The following NCAPG variants were observed in gnomAD, a reference collection of about 807,000 sequenced individuals.
The protein encoded by NCAPG is non-SMC condensin I complex subunit G.
In NCAPG, 69 loss-of-function variants were observed where a neutral mutation model predicts 113.1. That is an observed-to-expected ratio of 0.61 (90% CI 0.50 to 0.75). NCAPG has a LOEUF of 0.75. Among genes scored for constraint, NCAPG ranks in the 30% least tolerant of loss-of-function variants. The pLI is 0.00. For missense variants in NCAPG, 1,058 were observed against 1,177.0 expected (o/e 0.90, Z 1.48); for synonymous variants, 370 against 415.8 (o/e 0.89, Z 1.34).
At chr4:17,830,872 T>C (rs1236644915) in intron 12 of NCAPG, 125 bp from the exon 13 acceptor site, 1 of 936,976 alleles carries the variant, frequency 1.1e-6, no homozygotes, top group African/African-American at 1.7e-5. Flanking sequence ...GCTATATTGT[T>C]CTGTTTTAGC....
intron 5 of NCAPG, among the ~76,000 whole-genome samples, chr4:17,816,981 C>T (rs938052904): frequency 3.3e-5 from 5 of 152,010 alleles, no homozygotes; most frequent in Admixed American, 2.0e-4. Context: ...GGCGTGGTGG[C>T]GCATGCCTGT....
rs1721164180 is a variant in NCAPG, at chr4:17,815,490, G to C, written c.775+132G>C. On this transcript the variant is annotated intron_variant, in intron 5 of 20. Coordinates refer to ENST00000251496, the MANE Select transcript of NCAPG (RefSeq NM_022346.5). ...CCATGAACCTGGTGAAATTTATCTT[G>C]ATGTATTATATAGAAAACACAGGGC... The C allele has an allele frequency of 1.1e-5, 7 of 628,308 alleles. No homozygotes were observed. In the South Asian group the frequency reaches 1.3e-4, roughly 12 times the overall value. The allele number at this position is 628,308 out of a possible 1,614,324, so 38.9% of individuals were successfully genotyped here.
intron 11 of NCAPG, among the ~76,000 whole-genome samples, chr4:17,827,642 G>A (rs1721701783): frequency 6.6e-6 from 1 of 152,074 alleles, no homozygotes; most frequent in Non-Finnish European, 1.5e-5. Context: ...TTTTGGACAT[G>A]TTGAGTTTGA....
chr4:17,819,317 T>G (rs1721350722), intron 7 of NCAPG, among the ~76,000 whole-genome samples: 1 of 152,170 alleles, frequency 6.6e-6, no homozygotes, highest in Non-Finnish European at 1.5e-5. Context: ...GGGGGTTAAT[T>G]CCAAGAAATA....
rs756982251 is a variant in NCAPG, at chr4:17,839,688, C to G, written c.2479C>G (p.His827Asp). The stretch of plus-strand genomic sequence containing the variant: ...CTTAATTTTTTAGGCCTTAACAGTA[C>G]ATGACAATTTGGCTATGAAAATTTG... The part of the protein sequence containing the change: ...TSQDYQALTV[H>D]DNLAMKICNE... The change falls in exon 17 of 21, where the codon CAT becomes GAT. Residue 827 changes from histidine to aspartate, a missense_variant. His to Asp is a moderately conservative substitution (Grantham distance 81). Coordinates refer to ENST00000251496, the MANE Select transcript of NCAPG (RefSeq NM_022346.5). The G allele has an allele frequency of 2.6e-6, 4 of 1,555,974 alleles. No homozygotes were observed. The highest frequency in any genetic ancestry group is 3.4e-6 in the Non-Finnish European group (4 of 1,161,756).
Position 17,834,537 on chromosome 4 carries a change from C to T in NCAPG, c.2109+14C>T, listed in dbSNP as rs368228923. 275 of 1,469,822 alleles carry T rather than the reference C, an allele frequency of 1.9e-4. No individual in the cohort carries two copies. The highest frequency in any genetic ancestry group is 2.4e-4 in the Non-Finnish European group (259 of 1,083,350). The allele number at this position is 1,469,822 out of a possible 1,614,324, so 91.0% of individuals were successfully genotyped here. A position where few individuals can be genotyped will look rare whatever the true frequency, so the allele number is the denominator to read the frequency against. ...TTAGATAGTGAGGTAAGAAATAATC[C>T]AGTCCTGTGATTATGAAATGTCATT... On this transcript the variant is annotated intron_variant, in intron 14 of 20. Coordinates refer to ENST00000251496, the MANE Select transcript of NCAPG (RefSeq NM_022346.5).
chr4:17,841,131 G>A (rs1722358847), intron 19 of NCAPG: 1 of 151,882 alleles, frequency 6.6e-6, no homozygotes, highest in Admixed American at 6.6e-5. Context: ...TCCAACAATA[G>A]GGGATCTGTT....
intron 16 of NCAPG, among the ~76,000 whole-genome samples, chr4:17,839,068 AAG>A (rs1722222350): frequency 6.6e-6 from 1 of 152,214 alleles, no homozygotes; most frequent in African/African-American, 2.4e-5. Context: ...GGAAAACTCT[AAG>A]TATGTGTAAC....
At chr4:17,815,806 G>A (rs369800088) in intron 5 of NCAPG, among the ~76,000 whole-genome samples, 149 of 152,274 alleles carry the variant, frequency 9.8e-4, no homozygotes, top group Non-Finnish European at 1.7e-3. Flanking sequence ...TTACAGGTGT[G>A]AGCCACCGCG....
At chr4:17,840,404 C>T (rs747706305) in intron 18 of NCAPG, among the ~76,000 whole-genome samples, 195 bp downstream of exon 18, 1 of 151,912 alleles carries the variant, frequency 6.6e-6, no homozygotes, top group South Asian at 2.1e-4. Flanking sequence ...TTTTGGCATG[C>T]ATTTCTCAAC....
At chr4:17,820,153 G>A (rs1721393083) in intron 7 of NCAPG, among the ~76,000 whole-genome samples, 1 of 152,166 alleles carries the variant, frequency 6.6e-6, no homozygotes, top group African/African-American at 2.4e-5. Flanking sequence ...CATAAAGGGG[G>A]AGGAGTTTTC....
intron 1 of NCAPG, among the ~76,000 whole-genome samples, 191 bp from the exon 2 acceptor site, chr4:17,812,030 C>T (rs1720990972): frequency 6.6e-6 from 1 of 152,182 alleles, no homozygotes; most frequent in Admixed American, 6.5e-5. Context: ...TGTGTACTCC[C>T]ATTATAGCCT....
At chr4:17,835,367 T>C (rs1443816630) in intron 14 of NCAPG, among the ~76,000 whole-genome samples, 2 of 152,078 alleles carry the variant, frequency 1.3e-5, no homozygotes, top group Non-Finnish European at 2.9e-5. Flanking sequence ...GATTTTTAAA[T>C]TTTTTGTAGA....
rs1722751245 is a variant in NCAPG at position 17,844,655 on chromosome 4, G to GTTGTT, written c.*1233_*1237dup. ...CTGTGCTTCAGATTCCTTATGTGTT[G>GTTGTT]TTGTTTTAAAGACAATTTGCAGGGG... is the stretch of plus-strand genomic sequence containing the variant. On this transcript the variant is annotated 3_prime_UTR_variant, in exon 21 of 21. Transcript: ENST00000251496. 6.8e-6 allele frequency: 1 copy of GTTGTT among 147,966 alleles called. No individual in the cohort carries two copies. The highest frequency in any genetic ancestry group is 6.6e-5 in the Admixed American group (1 of 15,146). The allele number at this position is 147,966 out of a possible 1,614,324, so 9.2% of individuals were successfully genotyped here.
Position 17,840,693 on chromosome 4 carries a change from G to A in NCAPG, c.2854G>A (p.Gly952Arg). 1 of 1,507,450 alleles carries A rather than the reference G, an allele frequency of 6.6e-7. No individual in the cohort carries two copies. The highest frequency in any genetic ancestry group is 8.9e-7 in the Non-Finnish European group (1 of 1,129,720). The allele number at this position is 1,507,450 out of a possible 1,614,324, so 93.4% of individuals were successfully genotyped here. Residue 952 changes from glycine (G) to arginine (R), a missense_variant and splice_region_variant, in exon 19 of 21, where the codon GGA becomes AGA. Transcript: ENST00000251496. ...GTCTACTCAGCTAAAGACTAACAGA[G>A]GTAGTGTGTGGATTGACCATCTTTA... is the stretch of plus-strand genomic sequence containing the variant. ...SKSTQLKTNR[G>R]QRKVTVSART...
intron 16 of NCAPG, among the ~76,000 whole-genome samples, chr4:17,838,098 C>T (rs1722176314): frequency 6.6e-6 from 1 of 152,190 alleles, no homozygotes; most frequent in Non-Finnish European, 1.5e-5. Context: ...ATCTAGGACT[C>T]ACAGAGTCTT....
chr4:17,838,042 A>G (rs1320893112), intron 16 of NCAPG, among the ~76,000 whole-genome samples: 1 of 152,200 alleles, frequency 6.6e-6, no homozygotes, highest in East Asian at 1.9e-4. Flanking sequence ...CACCCACACC[A>G]TGCCCACCTA....
Position 17,840,193 on chromosome 4 carries a change from T to G in NCAPG, c.2751T>G (p.Thr917=), listed in dbSNP as rs756986649. ...AAQDATLTTT[T]FQNEDEKNKE... Reference sequence around the variant, plus strand: ...AGGATGCCACCTTGACTACAACTACTTTCCAAAATGAAGATGGTAATCACA... The same window carrying G: ...AGGATGCCACCTTGACTACAACTACGTTCCAAAATGAAGATGGTAATCACA... The change falls in exon 18 of 21, where the codon ACT becomes ACG. Residue 917 remains threonine (T), a synonymous_variant. Coordinates refer to ENST00000251496, the MANE Select transcript of NCAPG (RefSeq NM_022346.5). 5 of 1,597,876 alleles carry G rather than the reference T, an allele frequency of 3.1e-6. No individual in the cohort carries two copies. The Admixed American group carries it at 7.1e-5, about 23-fold the overall frequency.
intron 12 of NCAPG, 85 bp downstream of exon 12, chr4:17,828,473 G>A (rs894983120): frequency 3.0e-6 from 2 of 676,500 alleles, no homozygotes; most frequent in Non-Finnish European, 5.0e-6. Flanking sequence ...TCAAAATAAT[G>A]AAAAGATTAC....
Sources: allele counts gnomAD v4.1 joint callset (sites outside exome capture counted in the v4.1 genomes callset), GRCh38; gene constraint gnomAD v4.1.1; transcripts MANE v1.5; gene names NCBI Gene and HGNC (gene_info 2026-07-23, HGNC 2026-07-21).